Variants in CHRDL2 observed in about 807,000 individuals in gnomAD.
The protein encoded by CHRDL2 is chordin-like protein 2.
CHRDL2 carries 41 observed loss-of-function variants against 54.3 expected under a neutral mutation model. That is an observed-to-expected ratio of 0.76 (90% CI 0.59 to 0.98). The LOEUF is 0.98. CHRDL2 is among the 50% of genes least tolerant of loss of function. CHRDL2 has a pLI of 0.00. For synonymous variants in CHRDL2, 220 were observed against 224.3 expected (o/e 0.98, Z 0.17); for missense variants, 518 against 562.4 (o/e 0.92, Z 0.80).
At chr11:74,710,264 A>G (rs1022591910) in intron 4 of CHRDL2, among the ~76,000 whole-genome samples, 3 of 151,714 alleles carry the variant, frequency 2.0e-5, no homozygotes, top group African/African-American at 7.3e-5. Flanking sequence ...GCAAACCTAT[A>G]GGAAGGCCAT....
At chr11:74,719,163 A>C in intron 1 of CHRDL2, 1 of 210,532 alleles carries the variant, frequency 4.7e-6, no homozygotes, top group East Asian at 1.3e-4. Context: ...TGATTAGACA[A>C]ATGAGGCCCA....
intron 9 of CHRDL2, chr11:74,699,461 G>A (rs1031047192): frequency 1.5e-4 from 23 of 152,466 alleles, no homozygotes; most frequent in African/African-American, 5.5e-4. Flanking sequence ...AGCTCAGTGT[G>A]AAGTCAGATG....
chr11:74,697,427 A>G, intron 9 of CHRDL2, 130 bp from the exon 10 acceptor site: 1 of 661,120 alleles, frequency 1.5e-6, no homozygotes, highest in Non-Finnish European at 2.8e-6. Flanking sequence ...CAGACACAAA[A>G]TCCTGCTGAT....
chr11:74,710,883 C>G lies in CHRDL2; in HGVS notation c.398G>C (p.Arg133Pro). 1 of 1,614,016 alleles carries G rather than the reference C, an allele frequency of 6.2e-7. No homozygotes were observed. Among genetic ancestry groups the G allele is most frequent in the East Asian group, 2.2e-5 (1 of 44,884 alleles). Residue 133 changes from arginine to proline, a missense_variant, in exon 4 of 11, where the codon CGC (arginine) becomes CCC (proline). Coordinates refer to ENST00000376332, the MANE Select transcript of CHRDL2 (RefSeq NM_001278473.3). ...IFSAHELFPSRLPNQCVLCSC... is the reference protein window; with the variant it reads ...IFSAHELFPSPLPNQCVLCSC... Reference sequence around the variant, plus strand: ...GCAGAGGACACACTGGTTGGGCAGGCGGGAGGGGAACAGCTCATGGGCACT... The same window carrying G: ...GCAGAGGACACACTGGTTGGGCAGGGGGGAGGGGAACAGCTCATGGGCACT...
At chr11:74,699,521 A>G (rs1398535615) in intron 9 of CHRDL2, 1 of 152,272 alleles carries the variant, frequency 6.6e-6, no homozygotes, top group Non-Finnish European at 1.5e-5. Context: ...ACCTATCTGG[A>G]GTAGGAGTGG....
At chr11:74,720,664 T>C (rs1839575206) in intron 1 of CHRDL2, among the ~76,000 whole-genome samples, 1 of 152,198 alleles carries the variant, frequency 6.6e-6, no homozygotes, top group African/African-American at 2.4e-5. Context: ...CTAAATCACA[T>C]TCTCTTAGAC....
At position 74,701,533 on chromosome 11, in the gene CHRDL2, G is replaced by C. The variant is rs537414836; in HGVS notation, c.1120+1261C>G. 3.0e-3 allele frequency: 2,122 copies of C among 710,816 alleles called. 47 individuals are homozygous for C. The South Asian group carries it at 0.03, about 10-fold the overall frequency. The allele number at this position is 710,816 out of a possible 1,614,324, so 44.0% of individuals were successfully genotyped here. On this transcript the variant is annotated intron_variant, in intron 9 of 10. Coordinates refer to ENST00000376332, the MANE Select transcript of CHRDL2 (RefSeq NM_001278473.3). The stretch of plus-strand genomic sequence containing the variant: ...CTACGACAGGGGGCAGAGTAGAGCA[G>C]GGAAAGAGCCGCATCTGACGCCACA...
intron 9 of CHRDL2, 93 bp downstream of exon 9, chr11:74,702,701 C>T: frequency 7.4e-7 from 1 of 1,354,654 alleles, no homozygotes; most frequent in Non-Finnish European, 1.0e-6. Context: ...GGCACCTGAT[C>T]AGCAAAACGT....
chr11:74,698,661 A>G (rs199595012), intron 9 of CHRDL2: 13 of 123,310 alleles, frequency 1.1e-4, no homozygotes, highest in Non-Finnish European at 2.2e-4. Flanking sequence ...ATGGATGGAT[A>G]GATAGATGAA....
Position 74,726,277 on chromosome 11 carries a change from G to A in CHRDL2, c.82+4530C>T, listed in dbSNP as rs190479462. Among the ~76,000 whole-genome samples, 224 of 152,294 alleles carry A rather than the reference G, an allele frequency of 1.5e-3. 6 individuals are homozygous for A. The highest frequency in any genetic ancestry group is 0.014 in the Admixed American group (208 of 15,304). On this transcript the variant is annotated intron_variant, in intron 1 of 10. Transcript: ENST00000376332. ...GGGACTCAGAGACATCCAGTCCCCT[G>A]TTTCCTTTGTGGGAAATTGAGTCCC...
rs2034546603 is a variant in CHRDL2, at chr11:74,724,785, G to A, written c.83-5953C>T. Among the ~76,000 whole-genome samples the A allele has an allele frequency of 1.3e-5, 2 of 152,214 alleles. 1 individual carries two copies. The highest frequency in any genetic ancestry group is 2.9e-5 in the Non-Finnish European group (2 of 68,040). ...CAATTCTCATCACAAATGGATTAGAGGTACTTCTTAAGTAAGCTTTGCTTC... is the reference window on the plus strand; with the variant it reads ...CAATTCTCATCACAAATGGATTAGAAGTACTTCTTAAGTAAGCTTTGCTTC... On this transcript the variant is annotated intron_variant, in intron 1 of 10. Transcript: ENST00000376332.
intron 9 of CHRDL2, 200 bp from the exon 10 acceptor site, chr11:74,697,497 G>A (rs1379151933): frequency 1.7e-6 from 1 of 590,198 alleles, no homozygotes; most frequent in Non-Finnish European, 3.1e-6. Flanking sequence ...CCTCACTCAG[G>A]CCCCTGTTGT....
At chr11:74,721,063 G>A (rs770935853) in intron 1 of CHRDL2, among the ~76,000 whole-genome samples, 22 of 152,262 alleles carry the variant, frequency 1.4e-4, no homozygotes, top group Middle Eastern at 3.4e-3. Context: ...ATTAAAGTTC[G>A]CCTCTCACAT....
intron 3 of CHRDL2, 144 bp from the exon 4 acceptor site, chr11:74,711,135 C>G: frequency 1.1e-6 from 1 of 908,198 alleles, no homozygotes. Context: ...GCCTTGCCAG[C>G]CATTCCCCTT....
intron 1 of CHRDL2, among the ~76,000 whole-genome samples, chr11:74,721,842 G>T (rs752996191): frequency 1.3e-5 from 2 of 152,238 alleles, no homozygotes; most frequent in African/African-American, 4.8e-5. Flanking sequence ...TTTCTGCATA[G>T]ATACTTTATG....
At chr11:74,697,153 G>T in intron 10 of CHRDL2, 52 bp downstream of exon 10, 2 of 1,449,190 alleles carry the variant, frequency 1.4e-6, no homozygotes, top group Non-Finnish European at 9.7e-7. Flanking sequence ...GCTCTGGCCC[G>T]TGTCCTTGCC....
At chr11:74,707,699 C>T (rs1024567258) in intron 5 of CHRDL2, among the ~76,000 whole-genome samples, 1 of 151,932 alleles carries the variant, frequency 6.6e-6, no homozygotes, top group African/African-American at 2.4e-5. Flanking sequence ...GCAGCAGCAG[C>T]CCCCCTGCAC....
intron 7 of CHRDL2, 58 bp from the exon 8 acceptor site, chr11:74,703,557 C>T: frequency 6.9e-7 from 1 of 1,447,612 alleles, no homozygotes; most frequent in Non-Finnish European, 9.3e-7. Flanking sequence ...GCCAGGGCCT[C>T]TGGTCCAGCA....
chr11:74,701,345 C>T lies in CHRDL2; in HGVS notation c.1120+1449G>A, dbSNP rs763385345. The stretch of plus-strand genomic sequence containing the variant: ...GATTCAAACTGGCAGAGTTAGGATT[C>T]GAACCCAAAGCCCCTGCTTGTTGTT... On this transcript the variant is annotated intron_variant, in intron 9 of 10. Coordinates refer to ENST00000376332, the MANE Select transcript of CHRDL2 (RefSeq NM_001278473.3). 46 of 407,632 alleles carry T rather than the reference C, an allele frequency of 1.1e-4. 1 individual carries two copies. The highest frequency in any genetic ancestry group is 5.0e-4 in the Admixed American group (12 of 24,198). 25.3% of individuals were successfully genotyped at this position (407,632 alleles called of 1,614,324 possible). A position where few individuals can be genotyped will look rare whatever the true frequency, so the allele number is the denominator to read the frequency against.
Sources: gnomAD v4.1 joint callset for allele counts (sites outside exome capture counted in the v4.1 genomes callset) on GRCh38, gnomAD v4.1.1 for gene constraint, MANE v1.5 for transcripts, NCBI Gene and HGNC (gene_info 2026-07-23, HGNC 2026-07-21) for gene names.